VPS54: variants seen among roughly 807,000 people sequenced by gnomAD.
The protein encoded by VPS54 is VPS54 subunit of GARP complex, also known as vacuolar protein sorting-associated protein 54.
VPS54 carries 45 observed loss-of-function variants against 121.5 expected under a neutral mutation model. That is an observed-to-expected ratio of 0.37 (90% CI 0.29 to 0.47). The LOEUF (loss-of-function observed/expected upper bound fraction) is 0.47. VPS54 is among the 20% of genes least tolerant of loss of function. The pLI is 0.99. For synonymous variants in VPS54, 371 were observed against 385.8 expected, an observed-to-expected ratio of 0.96 and a Z score of 0.45; for missense variants, 1,090 against 1,131.4, an observed-to-expected ratio of 0.96 and a Z score of 0.52.
intron 1 of VPS54, among the ~76,000 whole-genome samples, chr2:63,998,633 G>A (rs1358187672): frequency 1.3e-5 from 2 of 152,040 alleles, no homozygotes; most frequent in African/African-American, 4.8e-5. Flanking sequence ...ACTGTTTTAT[G>A]CAGATAACAA....
chr2:63,920,383 A>G lies in VPS54; in HGVS notation c.2051+63T>C, dbSNP rs115473597. The G allele has an allele frequency of 9.3e-4, 1,259 of 1,353,880 alleles. 13 individuals carry two copies. In the African/African-American group the frequency reaches 0.016, roughly 17 times the overall value. The allele number at this position is 1,353,880 out of a possible 1,614,324, so 83.9% of individuals were successfully genotyped here. On this transcript the variant is annotated intron_variant, in intron 14 of 22. Coordinates refer to ENST00000272322, the MANE Select transcript of VPS54 (RefSeq NM_016516.3). The stretch of plus-strand genomic sequence containing the variant: ...GCCAATTAGGTTTCCTCTTTTAAAC[A>G]TAACTGTGTTTCACAAAGAAAAATG...
intron 18 of VPS54, 60 bp downstream of exon 18, chr2:63,913,163 T>G: frequency 7.3e-7 from 1 of 1,375,752 alleles, no homozygotes; most frequent in Non-Finnish European, 1.0e-6. Context: ...AAAAACATGA[T>G]GAGAACAGTG....
chr2:63,946,166 C>A (rs1457805134), intron 9 of VPS54, among the ~76,000 whole-genome samples: 1 of 152,086 alleles, frequency 6.6e-6, no homozygotes, highest in African/African-American at 2.4e-5. Context: ...TGTCTGGTTT[C>A]TTTGGCTCCA....
At chr2:63,911,917 G>T (rs538273845) in intron 20 of VPS54, among the ~76,000 whole-genome samples, 7 of 152,156 alleles carry the variant, frequency 4.6e-5, no homozygotes, top group African/African-American at 1.4e-4. Context: ...GTATAACTGC[G>T]AATTCTTTGG....
At chr2:63,961,567 T>C (rs1367233960) in intron 7 of VPS54, among the ~76,000 whole-genome samples, 4 of 152,196 alleles carry the variant, frequency 2.6e-5, no homozygotes, top group Non-Finnish European at 5.9e-5. Context: ...AAACCTAAGG[T>C]ATTTTCAAAA....
At position 64,005,089 on chromosome 2, in the gene VPS54, C is replaced by CTTTTTTTTTTTTTTTTTTTT. The variant is rs764515091; in HGVS notation, c.-21+13829_-21+13848dup. 1.4e-4 allele frequency among the ~76,000 whole-genome samples: 6 copies of CTTTTTTTTTTTTTTTTTTTT among 44,130 alleles called. 1 individual carries two copies. The highest frequency in any genetic ancestry group is 2.0e-4 in the Non-Finnish European group (5 of 25,216). 29.0% of individuals were successfully genotyped at this position (44,130 alleles called of 152,430 possible). A position where few individuals can be genotyped will look rare whatever the true frequency, so the allele number is the denominator to read the frequency against. On this transcript the variant is annotated intron_variant, in intron 1 of 22. Transcript: ENST00000272322. ...TACCATGCCCAGTCTACTATTGCTT[C>CTTTTTTTTTTTTTTTTTTTT]TTTTTTTTTTTTTTTTTTTTTTTTT...
intron 3 of VPS54, chr2:63,975,172 A>G: frequency 1.5e-6 from 1 of 685,128 alleles, no homozygotes; most frequent in Non-Finnish European, 2.3e-6. Context: ...CAGCCTCCCA[A>G]GTAGCTGAAA....
At position 63,893,787 on chromosome 2, in the gene VPS54, C is replaced by T. The variant is rs528569056; in HGVS notation, c.2829-252G>A. Among the ~76,000 whole-genome samples, 97 of 152,012 alleles carry T rather than the reference C, an allele frequency of 6.4e-4. 1 individual carries two copies. Among genetic ancestry groups the T allele is most frequent in the African/African-American group, 2.3e-3 (95 of 41,470 alleles). ...GAGTCAGTTTCATGATAAATTCAGC[C>T]CAAGAAAATCAGATTTATCTTGAAA... On this transcript the variant is annotated intron_variant, in intron 22 of 22. Transcript: ENST00000272322.
In VPS54 at chr2:63,962,416, C is replaced by A. The variant is rs1220802116; in HGVS notation, c.652G>T (p.Val218Leu). 1.2e-6 allele frequency: 2 copies of A among 1,612,380 alleles called. No individual in the cohort carries two copies. Among genetic ancestry groups the A allele is most frequent in the Non-Finnish European group, 1.7e-6 (2 of 1,179,166 alleles). ...AGAGAGATCTGGTGAGCAATGTTTA[C>A]TTCCACAATATCCAGATAATGGCTC... ...KLSHYLDIVE[V>L]NIAHQISLRS... The change falls in exon 7 of 23, where the codon GTA becomes TTA. Residue 218 changes from valine (V) to leucine (L), a missense_variant. Around this residue, in one of 2 missense-constraint regions of VPS54, gnomAD observed 801 missense variants for 757.0 expected, o/e 1.06. Transcript: ENST00000272322.
intron 7 of VPS54, among the ~76,000 whole-genome samples, chr2:63,961,459 C>T (rs1007761433): frequency 6.6e-6 from 1 of 152,238 alleles, no homozygotes; most frequent in East Asian, 1.9e-4. Flanking sequence ...TGAACTTCTA[C>T]AAGGATACTG....
intron 1 of VPS54, among the ~76,000 whole-genome samples, chr2:64,008,402 C>T (rs954388410): frequency 8.3e-6 from 1 of 120,918 alleles, no homozygotes; most frequent in African/African-American, 3.5e-5. Flanking sequence ...TGACAGAGCG[C>T]GACTCCGTCT....
chr2:63,944,538 C>A, intron 10 of VPS54, 62 bp downstream of exon 10: 1 of 1,459,066 alleles, frequency 6.9e-7, no homozygotes, highest in South Asian at 1.2e-5. Context: ...TCGAATTATT[C>A]TAATTTACAT....
At chr2:63,981,986 A>C (rs1312700190) in intron 2 of VPS54, 99 bp from the exon 3 acceptor site, 1 of 1,236,564 alleles carries the variant, frequency 8.1e-7, no homozygotes, top group Non-Finnish European at 1.1e-6. Flanking sequence ...ATTCCATCTT[A>C]CGCAAACCAA....
Position 63,912,656 on chromosome 2 carries a change from A to C in VPS54, c.2428T>G (p.Ser810Ala). The change falls in exon 19 of 23, where the codon TCT becomes GCT. Residue 810 changes from serine (S) to alanine (A), a missense_variant. Physicochemically the swap from Ser to Ala is moderately conservative, Grantham distance 99. Transcript: ENST00000272322. Reference protein sequence around the residue: ...KTITTKNLALSSRCLQLIVHY... With the variant: ...KTITTKNLALASRCLQLIVHY... ...ACAATTAACTGCAAACATCGTGAAG[A>C]AAGAGCTGAAGATCCAGGGAGTAGA... The C allele has an allele frequency of 6.4e-7, 1 of 1,572,042 alleles. No homozygotes were observed. The highest frequency in any genetic ancestry group is 8.6e-7 in the Non-Finnish European group (1 of 1,169,468).
At chr2:63,963,688 T>TTTATG (rs1391281342) in intron 6 of VPS54, among the ~76,000 whole-genome samples, 3 of 152,078 alleles carry the variant, frequency 2.0e-5, no homozygotes, top group African/African-American at 7.2e-5. Context: ...AAATCTTGAG[T>TTTATG]TTATGCCCTT....
At position 63,914,234 on chromosome 2, in the gene VPS54, T is replaced by C. The variant is rs779379733; in HGVS notation, c.2282A>G (p.Asn761Ser). 18 of 1,613,716 alleles carry C rather than the reference T, an allele frequency of 1.1e-5. No individual in the cohort carries two copies. The highest frequency in any genetic ancestry group is 5.0e-5 in the Admixed American group (3 of 59,954). ...CATGTCAGTAGTAACAGATGGGATG[T>C]TATCCACACACTGGCAATATTCAAG... ...IILEYCQCVDNIPSVTTDMLT... is the reference protein window; with the variant it reads ...IILEYCQCVDSIPSVTTDMLT... Residue 761 changes from asparagine to serine, a missense_variant, in exon 17 of 23, where the codon AAC (asparagine) becomes AGC (serine). By Grantham distance (46) the Asn-to-Ser change is conservative. Transcript: ENST00000272322.
At chr2:63,925,423 C>G (rs569692031) in intron 12 of VPS54, among the ~76,000 whole-genome samples, 58 of 152,324 alleles carry the variant, frequency 3.8e-4, no homozygotes, top group African/African-American at 1.3e-3. Context: ...CTCCACACTT[C>G]TGAGGGGAGC....
At chr2:63,954,555 T>C (rs1252241104) in intron 7 of VPS54, among the ~76,000 whole-genome samples, 3 of 152,192 alleles carry the variant, frequency 2.0e-5, no homozygotes, top group African/African-American at 7.2e-5. Flanking sequence ...TTCCAGTGAA[T>C]AAGTAAAGAA....
intron 22 of VPS54, 77 bp downstream of exon 22, chr2:63,897,419 G>C (rs1278687250): frequency 1.9e-5 from 20 of 1,041,018 alleles, no homozygotes; most frequent in Non-Finnish European, 2.7e-5. Flanking sequence ...AGCAGAAAAG[G>C]ATGGCACAAA....
Sources: allele counts gnomAD v4.1 joint callset (sites outside exome capture counted in the v4.1 genomes callset), GRCh38; gene constraint gnomAD v4.1.1; regional missense constraint gnomAD v4.1.1; transcripts MANE v1.5; gene names NCBI Gene and HGNC (gene_info 2026-07-23, HGNC 2026-07-21).